RAD51B: variants seen among roughly 807,000 people sequenced by gnomAD.
RAD51B encodes the protein DNA repair protein RAD51 homolog 2.
Under a neutral mutation model 42.2 loss-of-function variants are expected in RAD51B, and 38 were observed. That is an observed-to-expected ratio of 0.90 (90% CI 0.70 to 1.18). The LOEUF (loss-of-function observed/expected upper bound fraction) is 1.18. Among genes scored for constraint, RAD51B ranks in the 50% most tolerant of loss-of-function variants. RAD51B has a pLI of 0.00. For synonymous variants in RAD51B, 154 were observed against 145.2 expected (o/e 1.06, Z -0.43); for missense variants, 373 against 400.7 (o/e 0.93, Z 0.59).
At chr14:68,579,741 C>A (rs990066552) in intron 10 of RAD51B, among the ~76,000 whole-genome samples, 2 of 152,196 alleles carry the variant, frequency 1.3e-5, no homozygotes, top group African/African-American at 4.8e-5. Flanking sequence ...ACCTTACAAC[C>A]CCAGTTTCTG....
chr14:68,139,085 G>A (rs540591587), intron 7 of RAD51B, among the ~76,000 whole-genome samples: 35 of 151,850 alleles, frequency 2.3e-4, no homozygotes, highest in East Asian at 1.9e-4. Flanking sequence ...ACTTGAAACC[G>A]CATGAATTTA....
At chr14:68,273,019 G>A (rs903521719) in intron 7 of RAD51B, among the ~76,000 whole-genome samples, 2 of 151,818 alleles carry the variant, frequency 1.3e-5, no homozygotes, top group South Asian at 2.1e-4. Flanking sequence ...CTAGAACTTC[G>A]GCTTCTGCCC....
chr14:67,988,220 G>A (rs1406606482), intron 7 of RAD51B, among the ~76,000 whole-genome samples: 3 of 152,212 alleles, frequency 2.0e-5, no homozygotes, highest in South Asian at 4.2e-4. Flanking sequence ...CAGCACTTTC[G>A]GAGGTCAAGG....
chr14:67,966,782 T>C (rs1437611952), intron 7 of RAD51B, among the ~76,000 whole-genome samples: 1 of 152,352 alleles, frequency 6.6e-6, no homozygotes, highest in East Asian at 1.9e-4. Context: ...CTTTTTTGAC[T>C]CTGCCCGTAG....
chr14:68,085,207 T>G (rs1352594446), intron 7 of RAD51B, among the ~76,000 whole-genome samples: 2 of 152,182 alleles, frequency 1.3e-5, no homozygotes, highest in East Asian at 3.8e-4. Context: ...ATAAATGGAT[T>G]GTGTCTGTTT....
At chr14:67,954,515 A>G (rs796509558) in intron 7 of RAD51B, among the ~76,000 whole-genome samples, 23 of 152,338 alleles carry the variant, frequency 1.5e-4, no homozygotes, top group African/African-American at 5.5e-4. Flanking sequence ...GAGAAGACAG[A>G]TGAAGGTTAA....
chr14:68,342,957 G>T (rs2082601340), intron 8 of RAD51B, among the ~76,000 whole-genome samples: 1 of 149,582 alleles, frequency 6.7e-6, no homozygotes, highest in Non-Finnish European at 1.5e-5. Context: ...TAAAGTATAT[G>T]TAGCCCTTGG....
At chr14:68,393,414 T>C (rs1036330408) in intron 8 of RAD51B, among the ~76,000 whole-genome samples, 3 of 152,236 alleles carry the variant, frequency 2.0e-5, no homozygotes, top group Non-Finnish European at 2.9e-5. Flanking sequence ...TCTATTCTCA[T>C]ACTGAGGCTG....
intron 9 of RAD51B, among the ~76,000 whole-genome samples, chr14:68,465,253 A>G (rs1403323959): frequency 6.6e-6 from 1 of 152,036 alleles, no homozygotes; most frequent in Non-Finnish European, 1.5e-5. Context: ...CTGCTATTTG[A>G]TCTAAAGGAT....
At chr14:68,386,173 C>G (rs2083590113) in intron 8 of RAD51B, among the ~76,000 whole-genome samples, 2 of 152,068 alleles carry the variant, frequency 1.3e-5, no homozygotes, top group African/African-American at 4.8e-5. Context: ...AAAAGCAGGC[C>G]ACATACAAGC....
chr14:68,095,019 G>C (rs546733006), intron 7 of RAD51B, among the ~76,000 whole-genome samples: 19 of 152,318 alleles, frequency 1.2e-4, no homozygotes, highest in African/African-American at 3.8e-4. Flanking sequence ...GGCAGACTGA[G>C]TAGTTCATAT....
chr14:68,343,033 A>T (rs570361487), intron 8 of RAD51B, among the ~76,000 whole-genome samples: 1 of 151,358 alleles, frequency 6.6e-6, no homozygotes, highest in Non-Finnish European at 1.5e-5. Flanking sequence ...ATACAGTTGT[A>T]TGTATTTATG....
chr14:68,005,916 A>G (rs986140397), intron 7 of RAD51B, among the ~76,000 whole-genome samples: 1 of 152,190 alleles, frequency 6.6e-6, no homozygotes, highest in Non-Finnish European at 1.5e-5. Context: ...TGCATCTTAC[A>G]TGGCAGGTGG....
At chr14:68,555,936 G>A (rs1275097231) in intron 10 of RAD51B, among the ~76,000 whole-genome samples, 1 of 152,202 alleles carries the variant, frequency 6.6e-6, no homozygotes, top group Admixed American at 6.5e-5. Flanking sequence ...TGGACTGGAT[G>A]TTAAGGCTCA....
chr14:68,163,226 G>A (rs759274820), intron 7 of RAD51B, among the ~76,000 whole-genome samples: 2 of 152,126 alleles, frequency 1.3e-5, no homozygotes, highest in Admixed American at 6.5e-5. Flanking sequence ...TGTTGGAGTC[G>A]GAAGATTTGA....
intron 7 of RAD51B, among the ~76,000 whole-genome samples, chr14:67,976,937 T>C (rs2075007042): frequency 6.6e-6 from 1 of 152,146 alleles, no homozygotes; most frequent in Admixed American, 6.5e-5. Context: ...AAAGAAGACA[T>C]TTATGGAGCC....
chr14:67,893,467 GACACACAC>G lies in RAD51B; in HGVS notation c.756+6299_756+6306del, dbSNP rs756541648. Among the ~76,000 whole-genome samples, 250 of 111,288 alleles carry G rather than the reference GACACACAC, an allele frequency of 2.2e-3. 2 individuals carry two copies. The highest frequency in any genetic ancestry group is 7.4e-3 in the South Asian group (24 of 3,246). The allele number at this position is 111,288 out of a possible 152,430, so 73.0% of individuals were successfully genotyped here. On this transcript the variant is annotated intron_variant, in intron 7 of 10. Coordinates refer to ENST00000471583, the MANE Select transcript of RAD51B (RefSeq NM_133510.4). Reference sequence around the variant, plus strand: ...TCATCTTCTCACACACACAGACACAGACACACACACACACACACACACACACACACACA... The same window carrying G: ...TCATCTTCTCACACACACAGACACAGACACACACACACACACACACACACA...
chr14:68,601,906 C>T (rs1294759487), intron 10 of RAD51B, among the ~76,000 whole-genome samples: 2 of 152,132 alleles, frequency 1.3e-5, no homozygotes, highest in East Asian at 3.8e-4. Context: ...ATCATTGACC[C>T]CAAACCAATT....
chr14:68,544,466 C>T (rs1169111018), intron 10 of RAD51B, among the ~76,000 whole-genome samples: 5 of 152,204 alleles, frequency 3.3e-5, no homozygotes, highest in Non-Finnish European at 7.3e-5. Flanking sequence ...TATCTGTTTC[C>T]AAGTGATCTG....
Sources: allele counts gnomAD v4.1 joint callset (sites outside exome capture counted in the v4.1 genomes callset), GRCh38; gene constraint gnomAD v4.1.1; transcripts MANE v1.5; gene names NCBI Gene and HGNC (gene_info 2026-07-23, HGNC 2026-07-21).